The following NXPH1 variants were observed in gnomAD, a reference collection of about 807,000 sequenced individuals.
NXPH1 encodes neurexophilin-1.
In NXPH1, 5 loss-of-function variants were observed where a neutral mutation model predicts 23.7. That is an observed-to-expected ratio of 0.21 (90% CI 0.11 to 0.44). The LOEUF is 0.44. Among genes scored for constraint, NXPH1 ranks in the 20% least tolerant of loss-of-function variants. The pLI is 0.99. For missense variants in NXPH1, 324 were observed against 321.6 expected (o/e 1.01, Z -0.06); for synonymous variants, 144 against 122.2 (o/e 1.18, Z -1.18).
chr7:8,632,876 GTACCTA>G (rs1820156979), intron 2 of NXPH1, among the ~76,000 whole-genome samples: 1 of 152,178 alleles, frequency 6.6e-6, no homozygotes, highest in Non-Finnish European at 1.5e-5. Flanking sequence ...TAATAATCAA[GTACCTA>G]GTGAAAAGGA....
chr7:8,593,125 A>G (rs1272580068), intron 2 of NXPH1, among the ~76,000 whole-genome samples: 1 of 151,884 alleles, frequency 6.6e-6, no homozygotes, highest in Admixed American at 6.6e-5. Flanking sequence ...TCTGGTGTAT[A>G]AATTTTAGTC....
intron 2 of NXPH1, among the ~76,000 whole-genome samples, chr7:8,698,867 C>G (rs756134513): frequency 6.6e-6 from 1 of 152,040 alleles, no homozygotes; most frequent in Non-Finnish European, 1.5e-5. Context: ...TGAATTTAGC[C>G]CAGAGTGTCT....
chr7:8,716,791 A>T (rs1040771089), intron 2 of NXPH1, among the ~76,000 whole-genome samples: 1 of 152,196 alleles, frequency 6.6e-6, no homozygotes, highest in East Asian at 1.9e-4. Flanking sequence ...AAACTTATGT[A>T]CTAGTTGGTA....
intron 2 of NXPH1, among the ~76,000 whole-genome samples, chr7:8,576,675 A>AG (rs1818762437): frequency 6.6e-6 from 1 of 152,096 alleles, no homozygotes; most frequent in South Asian, 2.1e-4. Flanking sequence ...AACAGACAGT[A>AG]GAAAAAAAGG....
intron 2 of NXPH1, among the ~76,000 whole-genome samples, chr7:8,499,517 G>A (rs1055407764): frequency 5.3e-5 from 8 of 152,056 alleles, no homozygotes; most frequent in Admixed American, 2.0e-4. Flanking sequence ...AGCCTAAGTA[G>A]CTTGTAGTTT....
chr7:8,521,847 A>G (rs1318067225), intron 2 of NXPH1, among the ~76,000 whole-genome samples: 1 of 152,148 alleles, frequency 6.6e-6, no homozygotes, highest in Non-Finnish European at 1.5e-5. Context: ...GAAGATAACC[A>G]GTGTGGGTGG....
intron 2 of NXPH1, among the ~76,000 whole-genome samples, chr7:8,670,236 T>C (rs919655952): frequency 2.6e-5 from 4 of 152,216 alleles, no homozygotes; most frequent in Non-Finnish European, 4.4e-5. Flanking sequence ...TAGATGTCCT[T>C]TGAGGTAGTG....
At chr7:8,508,736 G>T (rs1817568563) in intron 2 of NXPH1, among the ~76,000 whole-genome samples, 1 of 151,908 alleles carries the variant, frequency 6.6e-6, no homozygotes, top group Admixed American at 6.6e-5. Flanking sequence ...TGCTGCAAAG[G>T]GTCTAAGTTC....
At chr7:8,639,463 GAA>G (rs79714855) in intron 2 of NXPH1, among the ~76,000 whole-genome samples, 4 of 147,576 alleles carry the variant, frequency 2.7e-5, no homozygotes, top group Admixed American at 2.0e-4. Context: ...CGGTGTAAAA[GAA>G]AAAAAAAAGG....
intron 2 of NXPH1, among the ~76,000 whole-genome samples, chr7:8,481,629 T>G (rs935953814): frequency 6.6e-6 from 1 of 152,192 alleles, no homozygotes; most frequent in African/African-American, 2.4e-5. Flanking sequence ...CCCACCAAAA[T>G]AAAAATGCTT....
At chr7:8,555,931 A>G (rs904676677) in intron 2 of NXPH1, among the ~76,000 whole-genome samples, 1 of 151,706 alleles carries the variant, frequency 6.6e-6, no homozygotes, top group Non-Finnish European at 1.5e-5. Context: ...CTGTACTTGG[A>G]ACAAATGGAT....
chr7:8,566,159 C>G (rs1020449049), intron 2 of NXPH1, among the ~76,000 whole-genome samples: 1 of 151,802 alleles, frequency 6.6e-6, no homozygotes, highest in African/African-American at 2.4e-5. Flanking sequence ...GAGGCTCGAG[C>G]AAAGGAGCTT....
In NXPH1 at chr7:8,643,335, ATTGAT is replaced by A. The variant is rs891395821; in HGVS notation, c.55-107668_55-107664del. ...TGTGTAATTTTGCATTCTTTGGAAA[ATTGAT>A]TTGAGGCTATGATGAATTATTTTGT... On this transcript the variant is annotated intron_variant, in intron 2 of 2. Transcript: ENST00000405863. Among the ~76,000 whole-genome samples the A allele has an allele frequency of 2.2e-4, 34 of 152,244 alleles. No individual in the cohort carries two copies. The South Asian group carries it at 2.9e-3, about 13-fold the overall frequency.
chr7:8,476,445 T>C (rs923347915), intron 2 of NXPH1, among the ~76,000 whole-genome samples: 1 of 151,906 alleles, frequency 6.6e-6, no homozygotes, highest in African/African-American at 2.4e-5. Context: ...CCTATCTGAG[T>C]TTAGACGCAA....
Position 8,557,593 on chromosome 7 carries a change from G to T in NXPH1, c.54+121826G>T, listed in dbSNP as rs1818380521. On this transcript the variant is annotated intron_variant, in intron 2 of 2. Coordinates refer to ENST00000405863, the MANE Select transcript of NXPH1 (RefSeq NM_152745.3). ...GGTTTTGATGACAGAATAATTTACT[G>T]TGTGTAATGTACCCAGCAGTAATGG... Among the ~76,000 whole-genome samples, 10 of 151,654 alleles carry T rather than the reference G, an allele frequency of 6.6e-5. No homozygotes were observed. In the South Asian group the frequency reaches 1.9e-3, roughly 28 times the overall value.
chr7:8,567,567 C>A (rs957497488), intron 2 of NXPH1, among the ~76,000 whole-genome samples: 11 of 151,806 alleles, frequency 7.2e-5, no homozygotes, highest in Admixed American at 6.6e-4. Context: ...TGTTAGTTTG[C>A]TTTTAAACTA....
intron 2 of NXPH1, among the ~76,000 whole-genome samples, chr7:8,519,752 A>G (rs1817740016): frequency 6.6e-6 from 1 of 152,210 alleles, no homozygotes; most frequent in Non-Finnish European, 1.5e-5. Flanking sequence ...GCAGTAGAGA[A>G]AAATAAGAAG....
chr7:8,666,341 C>A (rs1188847540), intron 2 of NXPH1, among the ~76,000 whole-genome samples: 1 of 152,026 alleles, frequency 6.6e-6, no homozygotes, highest in Non-Finnish European at 1.5e-5. Context: ...TGGTGTATCA[C>A]AATTATAGAC....
At chr7:8,722,960 A>G (rs1256525487) in intron 2 of NXPH1, among the ~76,000 whole-genome samples, 2 of 152,236 alleles carry the variant, frequency 1.3e-5, no homozygotes, top group Non-Finnish European at 2.9e-5. Context: ...AAAATGTCAC[A>G]GTCAAACTGT....
Sources: gnomAD v4.1 joint callset for allele counts (sites outside exome capture counted in the v4.1 genomes callset) on GRCh38, gnomAD v4.1.1 for gene constraint, MANE v1.5 for transcripts, NCBI Gene and HGNC (gene_info 2026-07-23, HGNC 2026-07-21) for gene names.